Variants in ZNF276 observed in about 807,000 individuals in gnomAD.
ZNF276 encodes the protein zinc finger protein 276.
Under a neutral mutation model 63.9 loss-of-function variants are expected in ZNF276, and 59 were observed. The ratio of observed to expected loss-of-function variants is 0.92; its 90% CI spans 0.75 to 1.15. The LOEUF (loss-of-function observed/expected upper bound fraction) is 1.15, where lower values mean the gene tolerates loss of function less well. ZNF276 is among the 50% of genes most tolerant of loss of function. ZNF276 has a pLI of 0.00. For synonymous variants in ZNF276, 496 were observed against 348.4 expected, an observed-to-expected ratio of 1.42 and a Z score of -4.72; for missense variants, 1,084 against 843.8, an observed-to-expected ratio of 1.28 and a Z score of -3.53.
intron 9 of ZNF276, among the ~76,000 whole-genome samples, chr16:89,735,713 T>G (rs1322208767): frequency 6.6e-6 from 1 of 151,366 alleles, no homozygotes; most frequent in African/African-American, 2.4e-5. Context: ...TACCAAAAAC[T>G]TTTTTTTTAA....
chr16:89,729,295 C>G lies in ZNF276; in HGVS notation c.1146C>G (p.Ser382=), dbSNP rs749409644. 1.2e-6 allele frequency: 2 copies of G among 1,614,112 alleles called. No homozygotes were observed. Among genetic ancestry groups the G allele is most frequent in the Non-Finnish European group, 1.7e-6 (2 of 1,180,016 alleles). The change falls in exon 6 of 11, where the codon TCC becomes TCG. Residue 382 remains serine (S), a synonymous_variant. Transcript: ENST00000443381. ...KKQNAQSSDE[S]FEPYPERKVS... is the part of the protein sequence containing the mutation. ...AAAATGCCCAGTCTTCGGACGAGTC[C>G]TTTGAGCCTTACCCAGAAAGGAAGT...
In ZNF276 at chr16:89,729,225, T is replaced by G. The variant is rs769864511; in HGVS notation, c.1086-10T>G. 1.7e-5 allele frequency: 28 copies of G among 1,613,338 alleles called. No individual in the cohort carries two copies. Among genetic ancestry groups the G allele is most frequent in the East Asian group, 2.2e-5 (1 of 44,896 alleles). On this transcript the variant is annotated splice_polypyrimidine_tract_variant and intron_variant, in intron 5 of 10. Transcript: ENST00000443381. ...CAGGGCTTTGCTGAAGATTCTCTCTTAATTCCTAGAGACGTCTTGAGTGAA... is the reference window on the plus strand; with the variant it reads ...CAGGGCTTTGCTGAAGATTCTCTCTGAATTCCTAGAGACGTCTTGAGTGAA...
intron 4 of ZNF276, among the ~76,000 whole-genome samples, 163 bp from the exon 5 acceptor site, chr16:89,727,116 C>G (rs1287109948): frequency 6.6e-6 from 1 of 152,188 alleles, no homozygotes; most frequent in Non-Finnish European, 1.5e-5. Flanking sequence ...GGATCAGAGG[C>G]TGCATAGCAC....
At chr16:89,720,712 C>T, upstream of ZNF276, 1 of 1,348,932 alleles carries the variant, frequency 7.4e-7, no homozygotes. Flanking sequence ...GGGCGGGGGT[C>T]CCTCCAGGGG....
At chr16:89,737,366 C>G (rs2061963280) in intron 9 of ZNF276, among the ~76,000 whole-genome samples, 1 of 151,710 alleles carries the variant, frequency 6.6e-6, no homozygotes, top group African/African-American at 2.4e-5. Context: ...ACTAAAAATA[C>G]AAAAATCAGC....
chr16:89,736,091 C>G (rs1031628176), intron 9 of ZNF276, among the ~76,000 whole-genome samples: 1 of 152,128 alleles, frequency 6.6e-6, no homozygotes, highest in African/African-American at 2.4e-5. Flanking sequence ...CGGGGTTTCA[C>G]CACGTTAGTG....
At chr16:89,730,928 C>T (rs1232182048) in intron 6 of ZNF276, among the ~76,000 whole-genome samples, 2 of 152,212 alleles carry the variant, frequency 1.3e-5, no homozygotes, top group African/African-American at 2.4e-5. Flanking sequence ...TCAGTGGTTC[C>T]CGCCAGAGGG....
At chr16:89,737,078 A>G (rs2061946290) in intron 9 of ZNF276, among the ~76,000 whole-genome samples, 1 of 152,174 alleles carries the variant, frequency 6.6e-6, no homozygotes, top group Non-Finnish European at 1.5e-5. Context: ...CTCTTTGTTC[A>G]AGGGTGTGAG....
intron 9 of ZNF276, chr16:89,737,553 G>A: frequency 1.8e-6 from 1 of 555,372 alleles, no homozygotes; most frequent in Non-Finnish European, 3.0e-6. Flanking sequence ...CTGTGGTTAA[G>A]GAAATAGCTT....
upstream of ZNF276, chr16:89,721,053 G>A (rs1215984667): frequency 8.8e-6 from 4 of 456,624 alleles, no homozygotes; most frequent in Non-Finnish European, 1.4e-5. Context: ...GGGGGCGGCA[G>A]AGTCCGGGTG....
chr16:89,733,755 C>CG (rs79577153), intron 8 of ZNF276, among the ~76,000 whole-genome samples, 166 bp from the exon 9 acceptor site: 9,049 of 152,032 alleles, frequency 0.06, 423 homozygotes, highest in East Asian at 0.22. Context: ...AGACACCCCC[C>CG]GGGGGGTCTA....
rs148258752 is a variant in ZNF276, at chr16:89,722,920, C to T, written c.509+86C>T. On this transcript the variant is annotated intron_variant, in intron 2 of 10. Transcript: ENST00000443381. ...GAGAGAGGGACAGGGCGTGCCTCCG[C>T]GGGAGCCTCTGGGTGGGGGGAATGG... 656 of 1,557,468 alleles carry T rather than the reference C, an allele frequency of 4.2e-4. 4 individuals carry two copies. The highest frequency in any genetic ancestry group is 2.2e-3 in the African/African-American group (165 of 74,148).
intron 4 of ZNF276, among the ~76,000 whole-genome samples, chr16:89,725,647 T>G (rs2061445705): frequency 6.6e-6 from 1 of 151,978 alleles, no homozygotes; most frequent in Non-Finnish European, 1.5e-5. Flanking sequence ...AAAAATTAGC[T>G]GGATGTGGCT....
chr16:89,740,803 C>G lies in ZNF276; in HGVS notation c.*2557C>G, dbSNP rs1432988639. The G allele has an allele frequency of 9.3e-6, 15 of 1,612,968 alleles. No individual in the cohort carries two copies. Among genetic ancestry groups the G allele is most frequent in the Non-Finnish European group, 1.3e-5 (15 of 1,179,346 alleles). On this transcript the variant is annotated 3_prime_UTR_variant, in exon 11 of 11. Coordinates refer to ENST00000443381, the MANE Select transcript of ZNF276 (RefSeq NM_001113525.2). ...ACCTTGGCTGGTAAGGTCTGACTTA[C>G]ATTTGAGGTCAGATGTGACGACAGC...
intron 4 of ZNF276, among the ~76,000 whole-genome samples, chr16:89,725,576 G>T (rs939708181): frequency 2.0e-5 from 3 of 151,854 alleles, no homozygotes; most frequent in African/African-American, 7.3e-5. Context: ...CGGATCACGG[G>T]GTCAGGAGAT....
Position 89,721,763 on chromosome 16 carries a change from G to C in ZNF276, c.123G>C (p.Arg41Ser), listed in dbSNP as rs1184406992. Residue 41 changes from arginine (R) to serine (S), a missense_variant, in exon 1 of 11, where the codon AGG (arginine) becomes AGC (serine). Arg to Ser is a moderately radical substitution (Grantham distance 110, BLOSUM62 -1). Transcript: ENST00000443381. Reference protein sequence around the residue: ...RGRPSLSGGPRVDGATARRAW... With the variant: ...RGRPSLSGGPSVDGATARRAW... ...GCCCTTCCCTTAGCGGTGGGCCGAGGGTGGACGGGGCGACGGCGCGGCGCG... is the reference window on the plus strand; with the variant it reads ...GCCCTTCCCTTAGCGGTGGGCCGAGCGTGGACGGGGCGACGGCGCGGCGCG... 7.8e-7 allele frequency: 1 copy of C among 1,279,132 alleles called. No homozygotes were observed. The highest frequency in any genetic ancestry group is 3.2e-5 in the East Asian group (1 of 31,580). 79.2% of individuals were successfully genotyped at this position (1,279,132 alleles called of 1,614,324 possible). A position where few individuals can be genotyped will look rare whatever the true frequency, so the allele number is the denominator to read the frequency against.
chr16:89,730,209 G>A (rs1356346863), intron 6 of ZNF276, among the ~76,000 whole-genome samples: 2 of 152,222 alleles, frequency 1.3e-5, no homozygotes, highest in African/African-American at 4.8e-5. Context: ...AGGGGCTGCA[G>A]CAGCTTCAGC....
chr16:89,721,553 A>C lies in ZNF276; in HGVS notation c.-88A>C, dbSNP rs2061273420. The C allele has an allele frequency of 2.3e-6, 3 of 1,291,180 alleles. No individual in the cohort carries two copies. The highest frequency in any genetic ancestry group is 3.1e-6 in the Non-Finnish European group (3 of 982,918). 80.0% of individuals were successfully genotyped at this position (1,291,180 alleles called of 1,614,324 possible). ...CCCTCCCCCGCCCCGCCTCGCTTCC[A>C]GCGCGCCGAGCGGAGCCTAACGCCG... On this transcript the variant is annotated 5_prime_UTR_variant, in exon 1 of 11. Transcript: ENST00000443381.
At chr16:89,736,662 G>C (rs1384766680) in intron 9 of ZNF276, among the ~76,000 whole-genome samples, 1 of 151,742 alleles carries the variant, frequency 6.6e-6, no homozygotes, top group African/African-American at 2.4e-5. Context: ...GGGTGTGGTG[G>C]TGCACACCTG....
Sources: gnomAD v4.1 joint callset for allele counts (sites outside exome capture counted in the v4.1 genomes callset) on GRCh38, gnomAD v4.1.1 for gene constraint, MANE v1.5 for transcripts, NCBI Gene and HGNC (gene_info 2026-07-23, HGNC 2026-07-21) for gene names.